Variants in L3MBTL4 observed in about 807,000 individuals in gnomAD.
The protein encoded by L3MBTL4 is L3MBTL histone methyl-lysine binding protein 4, also known as lethal(3)malignant brain tumor-like protein 4.
Under a neutral mutation model 84.5 loss-of-function variants are expected in L3MBTL4, and 70 were observed. The ratio of observed to expected loss-of-function variants is 0.83; its 90% CI spans 0.68 to 1.01. L3MBTL4 has a LOEUF of 1.01. Ranked by LOEUF, L3MBTL4 falls within the 50% of genes least tolerant of loss-of-function variation. L3MBTL4 has a pLI of 0.00. For synonymous variants in L3MBTL4, 274 were observed against 259.8 expected (o/e 1.05, Z -0.52); for missense variants, 715 against 754.8 (o/e 0.95, Z 0.62).
At chr18:5,958,210 T>C (rs2095244402) in intron 18 of L3MBTL4, among the ~76,000 whole-genome samples, 1 of 151,980 alleles carries the variant, frequency 6.6e-6, no homozygotes, top group Non-Finnish European at 1.5e-5. Context: ...AATCCTGTAG[T>C]GTCAATGTCT....
chr18:6,245,162 G>T (rs2047607472), intron 5 of L3MBTL4, among the ~76,000 whole-genome samples: 1 of 152,134 alleles, frequency 6.6e-6, no homozygotes, highest in South Asian at 2.1e-4. Context: ...GCCTCCCAAA[G>T]TGCTGGGATT....
chr18:6,358,351 C>T (rs2053535866), intron 1 of L3MBTL4, among the ~76,000 whole-genome samples: 1 of 152,172 alleles, frequency 6.6e-6, no homozygotes, highest in Non-Finnish European at 1.5e-5. Flanking sequence ...ACGCAGCTAG[C>T]TGACCACAGG....
chr18:6,090,410 C>A (rs1370594435), intron 15 of L3MBTL4, among the ~76,000 whole-genome samples: 1 of 151,706 alleles, frequency 6.6e-6, no homozygotes, highest in Non-Finnish European at 1.5e-5. Context: ...AATATAAGAG[C>A]AAACATGTTT....
chr18:6,103,514 T>G (rs1015136093), intron 14 of L3MBTL4, among the ~76,000 whole-genome samples: 2 of 152,212 alleles, frequency 1.3e-5, no homozygotes, highest in African/African-American at 4.8e-5. Flanking sequence ...TGGAAGTTGT[T>G]CAAAGGACAC....
intron 13 of L3MBTL4, among the ~76,000 whole-genome samples, chr18:6,139,326 T>C (rs1162348405): frequency 6.6e-6 from 1 of 152,118 alleles, no homozygotes; most frequent in African/African-American, 2.4e-5. Context: ...CACTGTGCTA[T>C]ATTGTACTAT....
chr18:6,178,360 A>T (rs1181018762), intron 12 of L3MBTL4, among the ~76,000 whole-genome samples: 1 of 152,178 alleles, frequency 6.6e-6, no homozygotes. Context: ...CTTATGAAAG[A>T]TATTTTCATA....
intron 12 of L3MBTL4, among the ~76,000 whole-genome samples, chr18:6,212,068 T>C (rs970715346): frequency 2.6e-5 from 4 of 152,182 alleles, no homozygotes; most frequent in African/African-American, 7.2e-5. Context: ...CAGAAATAAA[T>C]AAGAGTTAAA....
intron 15 of L3MBTL4, among the ~76,000 whole-genome samples, chr18:6,092,795 A>G (rs1217509657): frequency 1.3e-5 from 2 of 152,234 alleles, no homozygotes; most frequent in Non-Finnish European, 2.9e-5. Context: ...ATATAGTTAT[A>G]TATAAACAAA....
intron 14 of L3MBTL4, among the ~76,000 whole-genome samples, chr18:6,095,656 A>G (rs1435690430): frequency 6.6e-6 from 1 of 152,128 alleles, no homozygotes; most frequent in African/African-American, 2.4e-5. Flanking sequence ...GGCCGGGGAC[A>G]TGGTTTTTAA....
At chr18:6,071,756 A>G (rs1288924251) in intron 16 of L3MBTL4, among the ~76,000 whole-genome samples, 20 of 141,012 alleles carry the variant, frequency 1.4e-4, no homozygotes, top group African/African-American at 4.7e-4. Flanking sequence ...AAAGAAAGAA[A>G]GAAAAAAAGA....
intron 12 of L3MBTL4, among the ~76,000 whole-genome samples, chr18:6,175,396 A>C (rs1230471339): frequency 6.6e-6 from 1 of 152,222 alleles, no homozygotes; most frequent in East Asian, 1.9e-4. Flanking sequence ...AAAAAAAAGA[A>C]TACGCACTTA....
At chr18:6,082,843 T>C (rs2058125947) in intron 15 of L3MBTL4, among the ~76,000 whole-genome samples, 1 of 152,194 alleles carries the variant, frequency 6.6e-6, no homozygotes, top group South Asian at 2.1e-4. Context: ...AGTAGAGAGA[T>C]ATGCCAAGCC....
intron 15 of L3MBTL4, among the ~76,000 whole-genome samples, chr18:6,092,509 C>T (rs549014718): frequency 2.6e-5 from 4 of 152,360 alleles, no homozygotes; most frequent in African/African-American, 9.6e-5. Context: ...CCCTTCAAAT[C>T]TTGCACAGTC....
chr18:6,107,426 C>A (rs547515386), intron 14 of L3MBTL4, among the ~76,000 whole-genome samples: 1 of 152,072 alleles, frequency 6.6e-6, no homozygotes, highest in East Asian at 1.9e-4. Flanking sequence ...ATCCTCACTG[C>A]GCGGGCTGTG....
intron 16 of L3MBTL4, among the ~76,000 whole-genome samples, chr18:5,989,213 G>C (rs148943462): frequency 6.6e-6 from 1 of 152,158 alleles, no homozygotes; most frequent in Non-Finnish European, 1.5e-5. Flanking sequence ...AAAACCTCTT[G>C]ATTTTTAAAT....
intron 16 of L3MBTL4, among the ~76,000 whole-genome samples, chr18:6,066,844 C>A (rs1285085211): frequency 6.6e-6 from 1 of 150,898 alleles, no homozygotes; most frequent in African/African-American, 2.4e-5. Context: ...AACACTTAGG[C>A]CGTTTACGTT....
At chr18:6,011,163 A>G (rs1475820153) in intron 16 of L3MBTL4, among the ~76,000 whole-genome samples, 1 of 152,178 alleles carries the variant, frequency 6.6e-6, no homozygotes, top group African/African-American at 2.4e-5. Flanking sequence ...AAAGCACATC[A>G]CCAGTAAGAA....
chr18:6,333,573 CAA>C (rs34185426), intron 1 of L3MBTL4, among the ~76,000 whole-genome samples: 18 of 65,804 alleles, frequency 2.7e-4, no homozygotes, highest in African/African-American at 5.1e-4. Flanking sequence ...GACTCCATCT[CAA>C]AAAAAAAAAA....
intron 15 of L3MBTL4, 101 bp downstream of exon 15, chr18:6,093,254 C>A (rs2058517387): frequency 1.1e-6 from 1 of 939,088 alleles, no homozygotes; most frequent in South Asian, 2.4e-5. Flanking sequence ...AAAAATAATT[C>A]TTTTGAAGAA....
Sources: gnomAD v4.1 joint callset for allele counts (sites outside exome capture counted in the v4.1 genomes callset) on GRCh38, gnomAD v4.1.1 for gene constraint, MANE v1.5 for transcripts, NCBI Gene and HGNC (gene_info 2026-07-23, HGNC 2026-07-21) for gene names.